The following AAK1 variants were observed in gnomAD, a reference collection of about 807,000 sequenced individuals.
AAK1 encodes the protein AP2-associated protein kinase 1.
Under a neutral mutation model 116.0 loss-of-function variants are expected in AAK1, and 37 were observed. That is an observed-to-expected ratio of 0.32 (90% confidence interval 0.25 to 0.42). The LOEUF is 0.42. AAK1 is among the 10% of genes least tolerant of loss of function. AAK1 has a pLI of 1.00. For missense variants in AAK1, 919 were observed against 1,170.6 expected (o/e 0.79, Z 3.14); for synonymous variants, 458 against 439.9 (o/e 1.04, Z -0.51).
chr2:69,526,375 T>C (rs1325885507), intron 9 of AAK1, among the ~76,000 whole-genome samples: 2 of 152,210 alleles, frequency 1.3e-5, no homozygotes, highest in African/African-American at 4.8e-5. Context: ...AGTTCATTAT[T>C]GGAGGAACTA....
intron 2 of AAK1, chr2:69,597,689 G>A (rs1265103247): frequency 6.6e-6 from 1 of 150,912 alleles, no homozygotes; most frequent in Non-Finnish European, 1.5e-5. Flanking sequence ...GGGCAACAGA[G>A]GGAGACTCCA....
intron 2 of AAK1, among the ~76,000 whole-genome samples, chr2:69,613,939 G>C (rs1251563687): frequency 1.3e-5 from 2 of 152,218 alleles, no homozygotes; most frequent in Non-Finnish European, 2.9e-5. Context: ...AATGGGGGCA[G>C]TCTTGAGCCC....
Position 69,538,750 on chromosome 2 carries a change from C to T in AAK1, c.534+3773G>A, listed in dbSNP as rs185107884. Among the ~76,000 whole-genome samples, 54 of 152,180 alleles carry T rather than the reference C, an allele frequency of 3.5e-4. 1 individual carries two copies. The East Asian group carries it at 9.3e-3, about 26-fold the overall frequency. On this transcript the variant is annotated intron_variant, in intron 5 of 21. Coordinates refer to ENST00000409085, the MANE Select transcript of AAK1 (RefSeq NM_014911.5). The stretch of plus-strand genomic sequence containing the variant: ...TACAAAAATTAGCCACGCGTGGTGG[C>T]GGGCACCAGTAATCCCAGCTACTCG...
intron 5 of AAK1, among the ~76,000 whole-genome samples, chr2:69,538,079 C>G (rs1415156534): frequency 1.3e-5 from 2 of 152,234 alleles, no homozygotes; most frequent in African/African-American, 2.4e-5. Context: ...AACCATGCAT[C>G]AAAACCCACT....
rs1276767246 is a variant in AAK1, at chr2:69,474,224, C to T, written c.*1645G>A. On this transcript the variant is annotated 3_prime_UTR_variant, in exon 22 of 22. Transcript: ENST00000409085. ...AAGTGCAAATGTGAGGAAGAAGAAA[C>T]AAAAGTACTAGATAGCAAAACAAGC... 13 of 985,572 alleles carry T rather than the reference C, an allele frequency of 1.3e-5. No homozygotes were observed. Among genetic ancestry groups the T allele is most frequent in the Non-Finnish European group, 1.6e-5 (13 of 829,914 alleles). 61.1% of individuals were successfully genotyped at this position (985,572 alleles called of 1,614,324 possible). A position where few individuals can be genotyped will look rare whatever the true frequency, so the allele number is the denominator to read the frequency against.
At chr2:69,524,713 G>A (rs113130434) in intron 10 of AAK1, among the ~76,000 whole-genome samples, 1 of 152,156 alleles carries the variant, frequency 6.6e-6, no homozygotes, top group Admixed American at 6.5e-5. Flanking sequence ...GATTATAGAC[G>A]TGAAACACCA....
chr2:69,565,217 A>G (rs190152369), intron 2 of AAK1, among the ~76,000 whole-genome samples: 8 of 152,370 alleles, frequency 5.3e-5, no homozygotes, highest in Non-Finnish European at 1.0e-4. Flanking sequence ...ATGCCAGCCA[A>G]TTGCTGTCAC....
At position 69,462,199 on chromosome 2, in the gene AAK1, C is replaced by T. The variant is rs1181501388; in HGVS notation, c.*13670G>A. On this transcript the variant is annotated 3_prime_UTR_variant, in exon 22 of 22. Transcript: ENST00000409085. ...CACATGGACACAGTAAGGGGAACAT[C>T]ACACTCTGGGGACTGTTGTGGGGTG... The T allele has an allele frequency of 8.5e-6, 1 of 118,182 alleles. No individual in the cohort carries two copies. The highest frequency in any genetic ancestry group is 3.5e-5 in the African/African-American group (1 of 28,780). 7.3% of individuals were successfully genotyped at this position (118,182 alleles called of 1,614,324 possible). A position where few individuals can be genotyped will look rare whatever the true frequency, so the allele number is the denominator to read the frequency against.
chr2:69,476,152 T>G (rs376167959), intron 21 of AAK1, among the ~76,000 whole-genome samples, 189 bp from the exon 22 acceptor site: 16 of 152,160 alleles, frequency 1.1e-4, no homozygotes, highest in East Asian at 7.7e-4. Context: ...AACATGTAAG[T>G]TAGCTGTCCA....
intron 2 of AAK1, among the ~76,000 whole-genome samples, chr2:69,609,801 G>A (rs1184044852): frequency 2.6e-5 from 4 of 152,112 alleles, no homozygotes; most frequent in Non-Finnish European, 4.4e-5. Flanking sequence ...TGTAATCCCA[G>A]CACTTTAGGA....
Position 69,482,735 on chromosome 2 carries a change from C to G in AAK1, c.2443G>C (p.Gly815Arg), listed in dbSNP as rs1675142208. 1 of 1,612,524 alleles carries G rather than the reference C, an allele frequency of 6.2e-7. No individual in the cohort carries two copies. Among genetic ancestry groups the G allele is most frequent in the Non-Finnish European group, 8.5e-7 (1 of 1,178,654 alleles). ...PDLLPMTDPF[G>R]STSDAVIEKA... The stretch of plus-strand genomic sequence containing the variant: ...CCAATTACAGCATCAGAAGTGCTAC[C>G]AAAAGGATCTGTCATAGGCAAGAGG... The change falls in exon 18 of 22, where the codon GGT becomes CGT. Residue 815 changes from glycine to arginine, a missense_variant. Gly to Arg is a moderately radical substitution (Grantham distance 125, BLOSUM62 -2). This residue lies in a region of AAK1 where 263 missense variants were observed against 285.5 expected (regional missense o/e 0.92). Transcript: ENST00000409085.
intron 2 of AAK1, among the ~76,000 whole-genome samples, chr2:69,567,660 T>A (rs950241499): frequency 5.3e-5 from 8 of 152,134 alleles, no homozygotes; most frequent in African/African-American, 1.9e-4. Context: ...AGAAGGGACA[T>A]ATATTAAGAG....
At chr2:69,494,777 C>G (rs1234458605) in intron 17 of AAK1, among the ~76,000 whole-genome samples, 1 of 152,090 alleles carries the variant, frequency 6.6e-6, no homozygotes, top group Non-Finnish European at 1.5e-5. Context: ...TAGTGGTTTT[C>G]GATATTTTTA....
At position 69,509,468 on chromosome 2, in the gene AAK1, G is replaced by A. The variant is rs1438643116; in HGVS notation, c.1777-8C>T. 5 of 1,606,132 alleles carry A rather than the reference G, an allele frequency of 3.1e-6. No homozygotes were observed. The highest frequency in any genetic ancestry group is 4.3e-6 in the Non-Finnish European group (5 of 1,175,654). On this transcript the variant is annotated splice_polypyrimidine_tract_variant and splice_region_variant and intron_variant, in intron 13 of 21. Transcript: ENST00000409085. ...TCTTACTGGGGCTTGAATCTGCTAGGAAGAGAGACGGAAAGTGTTTCATTA... is the reference window on the plus strand; with the variant it reads ...TCTTACTGGGGCTTGAATCTGCTAGAAAGAGAGACGGAAAGTGTTTCATTA...
At chr2:69,582,148 C>T (rs1440588030) in intron 2 of AAK1, among the ~76,000 whole-genome samples, 1 of 152,150 alleles carries the variant, frequency 6.6e-6, no homozygotes, top group South Asian at 2.1e-4. Flanking sequence ...AAATAAATAG[C>T]TAAATGCTGA....
intron 2 of AAK1, among the ~76,000 whole-genome samples, chr2:69,615,305 T>A (rs1674275762): frequency 6.6e-6 from 1 of 152,172 alleles, no homozygotes; most frequent in Non-Finnish European, 1.5e-5. Context: ...GCTGACCTCA[T>A]GTCACTTGGG....
At chr2:69,568,337 T>A (rs2105112057) in intron 2 of AAK1, among the ~76,000 whole-genome samples, 1 of 152,140 alleles carries the variant, frequency 6.6e-6, no homozygotes, top group South Asian at 2.1e-4. Flanking sequence ...TAACTGTGAA[T>A]CCTGAGCACT....
In AAK1 at chr2:69,466,126, C is replaced by G; in HGVS notation, c.*9743G>C. On this transcript the variant is annotated 3_prime_UTR_variant, in exon 22 of 22. Transcript: ENST00000409085. The stretch of plus-strand genomic sequence containing the variant: ...CTGAAGGGAGCTATGGCAAAAACAT[C>G]TGGCTCACTGAGCCCATCAGTGGCT... The G allele has an allele frequency of 7.7e-7, 1 of 1,290,704 alleles. No individual in the cohort carries two copies. The highest frequency in any genetic ancestry group is 1.0e-6 in the Non-Finnish European group (1 of 988,888). The allele number at this position is 1,290,704 out of a possible 1,614,324, so 80.0% of individuals were successfully genotyped here. A position where few individuals can be genotyped will look rare whatever the true frequency, so the allele number is the denominator to read the frequency against.
intron 11 of AAK1, 105 bp downstream of exon 11, chr2:69,520,729 T>C: frequency 7.7e-7 from 1 of 1,299,836 alleles, no homozygotes; most frequent in East Asian, 2.5e-5. Flanking sequence ...TATCTCTGTG[T>C]GCCTCTGGAG....
Sources: allele counts gnomAD v4.1 joint callset (sites outside exome capture counted in the v4.1 genomes callset), GRCh38; gene constraint gnomAD v4.1.1; regional missense constraint gnomAD v4.1.1; transcripts MANE v1.5; gene names NCBI Gene and HGNC (gene_info 2026-07-23, HGNC 2026-07-21).